Variants in STK38 observed in about 807,000 individuals in gnomAD.
STK38 encodes serine/threonine kinase 38, also known as serine/threonine-protein kinase 38.
Under a neutral mutation model 59.0 loss-of-function variants are expected in STK38, and 26 were observed. The observed-to-expected ratio is 0.44, with a 90% CI of 0.32 to 0.61. The LOEUF (loss-of-function observed/expected upper bound fraction) is 0.61. Ranked by LOEUF, STK38 falls within the 20% of genes least tolerant of loss-of-function variation. The pLI is 0.04. For synonymous variants in STK38, 175 were observed against 176.6 expected (o/e 0.99, Z 0.07); for missense variants, 433 against 566.0 (o/e 0.76, Z 2.38).
chr6:36,500,355 C>T lies in STK38; in HGVS notation c.835-365G>A, dbSNP rs572554904. ...TATACATGAGTCCATTTAATCCTGA[C>T]AAAACTTTTCCAAGGAGGACCTTAT... On this transcript the variant is annotated intron_variant, in intron 9 of 13. Transcript: ENST00000229812. 6.6e-3 allele frequency among the ~76,000 whole-genome samples: 1,005 copies of T among 151,984 alleles called. 9 individuals are homozygous for T. Among genetic ancestry groups the T allele is most frequent in the African/African-American group, 0.021 (883 of 41,412 alleles).
intron 10 of STK38, 53 bp downstream of exon 10, chr6:36,499,820 T>TAAA: frequency 7.2e-7 from 1 of 1,395,902 alleles, no homozygotes; most frequent in South Asian, 1.2e-5. Context: ...GGTATCAATG[T>TAAA]AAAAGTCTGT....
chr6:36,517,289 C>T (rs984373187), intron 6 of STK38, among the ~76,000 whole-genome samples: 1 of 151,968 alleles, frequency 6.6e-6, no homozygotes, highest in African/African-American at 2.4e-5. Context: ...TTTCTGGCTA[C>T]TAATATGGGT....
chr6:36,500,763 A>C (rs958394941), intron 9 of STK38, among the ~76,000 whole-genome samples: 26 of 151,022 alleles, frequency 1.7e-4, no homozygotes, highest in Non-Finnish European at 2.8e-4. Context: ...TGTCTCAAAA[A>C]AAAAAAAAAA....
chr6:36,495,815 GC>G lies in STK38; in HGVS notation c.1366del (p.Ala456GlnfsTer6), dbSNP rs746126744. The G allele has an allele frequency of 3.1e-6, 5 of 1,613,858 alleles. No homozygotes were observed. Among genetic ancestry groups the G allele is most frequent in the Non-Finnish European group, 1.7e-6 (2 of 1,179,964 alleles). Reference protein sequence around the residue: ...KRFEGLTARGAIPSYMKAAK With the variant: ...KRFEGLTARGXIPSYMKAAK The stretch of plus-strand genomic sequence containing the variant: ...TGCTGCTTTCATGTAGGAAGGTATT[GC>G]CCCCCTTGCAGTCAGGCCCTCAAAG... On this transcript the variant is annotated frameshift_variant, in exon 14 of 14. Transcript: ENST00000229812. LOFTEE classifies it high-confidence loss of function.
intron 9 of STK38, among the ~76,000 whole-genome samples, chr6:36,500,496 T>C (rs920220733): frequency 6.6e-5 from 10 of 152,054 alleles, no homozygotes; most frequent in Non-Finnish European, 1.3e-4. Context: ...GAGTGGTGGT[T>C]CACGCCTGTA....
chr6:36,517,393 A>T (rs923482900), intron 6 of STK38, among the ~76,000 whole-genome samples: 15 of 152,212 alleles, frequency 9.9e-5, no homozygotes, highest in Admixed American at 9.8e-4. Context: ...CACTTGGGTT[A>T]TTGATCATAT....
intron 11 of STK38, 87 bp downstream of exon 11, chr6:36,498,276 A>C: frequency 6.6e-7 from 1 of 1,514,330 alleles, no homozygotes; most frequent in Non-Finnish European, 8.9e-7. Context: ...CAGAAAGCAG[A>C]TTCAGGAGAT....
Position 36,540,064 on chromosome 6 carries a change from T to G in STK38, c.131+8A>C. ...CATGACACAATTTTTTCAAACAAAA[T>G]TCTTTACCTCATTTCTCGTTCTTCA... On this transcript the variant is annotated splice_region_variant and intron_variant, in intron 2 of 13. Coordinates refer to ENST00000229812, the MANE Select transcript of STK38 (RefSeq NM_007271.4). 6.2e-7 allele frequency: 1 copy of G among 1,613,480 alleles called. No individual in the cohort carries two copies. Among genetic ancestry groups the G allele is most frequent in the Non-Finnish European group, 8.5e-7 (1 of 1,179,676 alleles).
In STK38 at chr6:36,538,289, G is replaced by A. The variant is rs181218105; in HGVS notation, c.131+1783C>T. 7.7e-3 allele frequency among the ~76,000 whole-genome samples: 1,157 copies of A among 151,190 alleles called. 5 individuals carry two copies. The highest frequency in any genetic ancestry group is 0.02 in the Middle Eastern group (6 of 294). The stretch of plus-strand genomic sequence containing the variant: ...ACTGCACTCCAGCCTGGGCAACAGA[G>A]TGAGACTCCGTCTCAAAAAAAGAAA... On this transcript the variant is annotated intron_variant, in intron 2 of 13. Transcript: ENST00000229812.
chr6:36,513,443 T>G (rs935334701), intron 7 of STK38, among the ~76,000 whole-genome samples: 1 of 151,596 alleles, frequency 6.6e-6, no homozygotes, highest in Non-Finnish European at 1.5e-5. Context: ...GCCTCTCAAG[T>G]AGGTGGGACT....
At position 36,506,783 on chromosome 6, in the gene STK38, C is replaced by A. The variant is rs562631187; in HGVS notation, c.773-139G>T. ...CATACATCAAAAGCTCCAGATGATA[C>A]ATATCCTAGTACGTTTACAGTAAAC... On this transcript the variant is annotated intron_variant, in intron 8 of 13. Transcript: ENST00000229812. 1.0e-5 allele frequency: 7 copies of A among 695,204 alleles called. No individual in the cohort carries two copies. In the African/African-American group the frequency reaches 1.1e-4, roughly 11 times the overall value. 43.1% of individuals were successfully genotyped at this position (695,204 alleles called of 1,614,324 possible). A position where few individuals can be genotyped will look rare whatever the true frequency, so the allele number is the denominator to read the frequency against.
rs200200052 is a variant in STK38 at position 36,525,670 on chromosome 6, A to C, written c.132-28T>G. 3 of 1,584,160 alleles carry C rather than the reference A, an allele frequency of 1.9e-6. No individual in the cohort carries two copies. In the African/African-American group the frequency reaches 4.0e-5, roughly 21 times the overall value. On this transcript the variant is annotated intron_variant, in intron 2 of 13. Transcript: ENST00000229812. ...AAAACAAACAAAAACAAAAGACATGAAATCACATCTGAATGATAACTTTCT... is the reference window on the plus strand; with the variant it reads ...AAAACAAACAAAAACAAAAGACATGCAATCACATCTGAATGATAACTTTCT...
intron 7 of STK38, among the ~76,000 whole-genome samples, chr6:36,508,795 G>A (rs1251291787): frequency 1.3e-5 from 2 of 152,150 alleles, no homozygotes; most frequent in Non-Finnish European, 1.5e-5. Flanking sequence ...CAGGCACACC[G>A]GTGGCCACTG....
intron 5 of STK38, among the ~76,000 whole-genome samples, chr6:36,518,653 T>C (rs977697755): frequency 6.6e-6 from 1 of 152,076 alleles, no homozygotes; most frequent in Non-Finnish European, 1.5e-5. Context: ...AAACTCCTGG[T>C]CTAAAGTGAT....
At chr6:36,514,848 C>CAAAA (rs58614183) in intron 7 of STK38, among the ~76,000 whole-genome samples, 1 of 77,704 alleles carries the variant, frequency 1.3e-5, no homozygotes, top group Non-Finnish European at 2.8e-5. Context: ...GACTTCATCT[C>CAAAA]AAAAAAAAAA....
chr6:36,530,617 G>A (rs1003958617), intron 2 of STK38, among the ~76,000 whole-genome samples: 2 of 151,536 alleles, frequency 1.3e-5, no homozygotes, highest in African/African-American at 4.8e-5. Flanking sequence ...CACCCACCTT[G>A]GCCTCTCAAA....
At chr6:36,518,290 T>G (rs1322593448) in intron 5 of STK38, among the ~76,000 whole-genome samples, 1 of 152,216 alleles carries the variant, frequency 6.6e-6, no homozygotes, top group East Asian at 1.9e-4. Flanking sequence ...AATGCTATGA[T>G]ACCACAGCAT....
At chr6:36,545,634 T>C (rs752921813) in intron 1 of STK38, among the ~76,000 whole-genome samples, 1 of 152,194 alleles carries the variant, frequency 6.6e-6, no homozygotes, top group Non-Finnish European at 1.5e-5. Context: ...TATTGCCCTA[T>C]AGCAATTCAT....
intron 11 of STK38, 84 bp downstream of exon 11, chr6:36,498,279 C>A: frequency 6.6e-7 from 1 of 1,519,590 alleles, no homozygotes; most frequent in Non-Finnish European, 8.9e-7. Flanking sequence ...AAAGCAGATT[C>A]AGGAGATAAC....
Sources: allele counts gnomAD v4.1 joint callset (sites outside exome capture counted in the v4.1 genomes callset), GRCh38; gene constraint gnomAD v4.1.1; transcripts MANE v1.5; gene names NCBI Gene and HGNC (gene_info 2026-07-23, HGNC 2026-07-21).